The following HS2ST1 variants were observed in gnomAD, a reference collection of about 807,000 sequenced individuals.
The protein encoded by HS2ST1 is 2-O-sulfotransferase.
HS2ST1 carries 18 observed loss-of-function variants against 42.9 expected under a neutral mutation model. The ratio of observed to expected loss-of-function variants is 0.42; its 90% confidence interval spans 0.29 to 0.62. The LOEUF is 0.62. HS2ST1 is among the 20% of genes least tolerant of loss of function. HS2ST1 has a pLI of 0.21. For synonymous variants in HS2ST1, 146 were observed against 152.9 expected, an observed-to-expected ratio of 0.95 and a Z score of 0.33; for missense variants, 334 against 433.8, an observed-to-expected ratio of 0.77 and a Z score of 2.04.
intron 1 of HS2ST1, among the ~76,000 whole-genome samples, chr1:86,978,639 G>T (rs912403975): frequency 6.6e-6 from 1 of 152,102 alleles, no homozygotes; most frequent in Non-Finnish European, 1.5e-5. Flanking sequence ...AATTTGGCAT[G>T]TTGCAGAAGA....
intron 1 of HS2ST1, among the ~76,000 whole-genome samples, chr1:86,916,778 G>C (rs187014428): frequency 1.3e-5 from 2 of 152,264 alleles, no homozygotes; most frequent in Admixed American, 6.5e-5. Flanking sequence ...GACTCCTCTT[G>C]AAGTGGAAAG....
At chr1:86,951,766 T>C (rs1270672910) in intron 1 of HS2ST1, among the ~76,000 whole-genome samples, 2 of 152,240 alleles carry the variant, frequency 1.3e-5, no homozygotes, top group Admixed American at 6.5e-5. Context: ...CCTTCAAAAT[T>C]GGAGTCAATC....
intron 1 of HS2ST1, among the ~76,000 whole-genome samples, chr1:86,995,725 A>C (rs1321308171): frequency 6.6e-6 from 1 of 152,206 alleles, no homozygotes; most frequent in Non-Finnish European, 1.5e-5. Flanking sequence ...TTACATACCA[A>C]ACAGGAGAGA....
chr1:86,956,947 C>T (rs773895684), intron 1 of HS2ST1, among the ~76,000 whole-genome samples: 1 of 152,144 alleles, frequency 6.6e-6, no homozygotes, highest in African/African-American at 2.4e-5. Context: ...AGTAAAAATA[C>T]ATTATATAAC....
intron 1 of HS2ST1, among the ~76,000 whole-genome samples, chr1:87,007,595 A>AT (rs926619002): frequency 2.6e-5 from 4 of 151,870 alleles, no homozygotes; most frequent in Admixed American, 2.0e-4. Context: ...CTTTCTACTC[A>AT]TTTTTTTTCC....
At chr1:86,965,483 G>T (rs962919471) in intron 1 of HS2ST1, among the ~76,000 whole-genome samples, 2 of 151,924 alleles carry the variant, frequency 1.3e-5, no homozygotes, top group Admixed American at 6.6e-5. Context: ...GCAAATTTTG[G>T]TTTTTAATCC....
chr1:86,954,401 C>G (rs745847278), intron 1 of HS2ST1, among the ~76,000 whole-genome samples: 4 of 152,156 alleles, frequency 2.6e-5, no homozygotes, highest in Non-Finnish European at 5.9e-5. Flanking sequence ...GCAATAAAAT[C>G]TGTCTGTAAT....
intron 4 of HS2ST1, among the ~76,000 whole-genome samples, chr1:87,092,977 T>C (rs1570543305): frequency 6.6e-6 from 1 of 152,194 alleles, no homozygotes; most frequent in South Asian, 2.1e-4. Flanking sequence ...TTTTTGTGTA[T>C]TTTTTGGTTC....
chr1:86,962,451 A>G (rs1050610994), intron 1 of HS2ST1, among the ~76,000 whole-genome samples: 1 of 152,210 alleles, frequency 6.6e-6, no homozygotes, highest in African/African-American at 2.4e-5. Flanking sequence ...AAGGGTATAT[A>G]TGGAATTTTA....
At chr1:87,058,358 T>G (rs1242354577) in intron 1 of HS2ST1, among the ~76,000 whole-genome samples, 2 of 151,848 alleles carry the variant, frequency 1.3e-5, no homozygotes, top group African/African-American at 4.9e-5. Flanking sequence ...CAAAAAGGAT[T>G]CTGCCTCTTT....
intron 2 of HS2ST1, among the ~76,000 whole-genome samples, chr1:87,078,299 A>C (rs1410376422): frequency 1.3e-5 from 2 of 152,240 alleles, no homozygotes; most frequent in African/African-American, 2.4e-5. Context: ...GGTGCTTCTT[A>C]GCTTTTTCCT....
At chr1:87,045,878 G>C (rs1484952908) in intron 1 of HS2ST1, 6 of 702,432 alleles carry the variant, frequency 8.5e-6, no homozygotes, top group African/African-American at 1.7e-5. Context: ...TCTCAGTGCT[G>C]TGAGCTCCTT....
At chr1:87,072,278 T>C (rs1483639783) in intron 1 of HS2ST1, among the ~76,000 whole-genome samples, 2 of 152,172 alleles carry the variant, frequency 1.3e-5, no homozygotes, top group African/African-American at 4.8e-5. Context: ...TCTACTCTTG[T>C]TAAGTCATAT....
At chr1:87,059,579 A>G (rs1557531605) in intron 1 of HS2ST1, among the ~76,000 whole-genome samples, 1 of 152,228 alleles carries the variant, frequency 6.6e-6, no homozygotes, top group Non-Finnish European at 1.5e-5. Context: ...GTATCAGCGT[A>G]CTTATTTCAA....
intron 3 of HS2ST1, among the ~76,000 whole-genome samples, chr1:87,088,774 A>T (rs973162309): frequency 1.6e-5 from 1 of 60,776 alleles, no homozygotes; most frequent in African/African-American, 5.4e-5. Context: ...TGCACAGTTG[A>T]TGAATGCCCC....
In HS2ST1 at chr1:87,103,468, G is replaced by C; in HGVS notation, c.723G>C (p.Lys241Asn). The C allele has an allele frequency of 6.2e-7, 1 of 1,612,394 alleles. No individual in the cohort carries two copies. The highest frequency in any genetic ancestry group is 1.1e-5 in the South Asian group (1 of 90,528). The change falls in exon 6 of 7, where the codon AAG (lysine) becomes AAC (asparagine). Residue 241 changes from lysine (K) to asparagine (N), a missense_variant. Transcript: ENST00000370550. Reference protein sequence around the residue: ...VGSRWAMDQAKYNLINEYFLV... With the variant: ...VGSRWAMDQANYNLINEYFLV... ...GCAGGTGGGCTATGGATCAAGCCAA[G>C]TATAACCTAATTAATGAATATTTTC...
At chr1:87,025,440 T>C (rs1259589489) in intron 1 of HS2ST1, among the ~76,000 whole-genome samples, 1 of 152,122 alleles carries the variant, frequency 6.6e-6, no homozygotes, top group Non-Finnish European at 1.5e-5. Flanking sequence ...AGATGGCAAA[T>C]GGGAAATACA....
chr1:87,102,302 C>T (rs896559243), intron 5 of HS2ST1, among the ~76,000 whole-genome samples: 3 of 152,120 alleles, frequency 2.0e-5, no homozygotes, highest in African/African-American at 7.2e-5. Flanking sequence ...AGGTGACCCG[C>T]CCACCTTGGC....
chr1:86,985,687 C>A (rs1384629139), intron 1 of HS2ST1, among the ~76,000 whole-genome samples: 1 of 151,460 alleles, frequency 6.6e-6, no homozygotes, highest in Non-Finnish European at 1.5e-5. Context: ...TTGAAAAATA[C>A]CTGGCAGGAG....
Sources: gnomAD v4.1 joint callset for allele counts (sites outside exome capture counted in the v4.1 genomes callset) on GRCh38, gnomAD v4.1.1 for gene constraint, MANE v1.5 for transcripts, NCBI Gene and HGNC (gene_info 2026-07-23, HGNC 2026-07-21) for gene names.